RAB22A: variants seen among roughly 807,000 people sequenced by gnomAD.
RAB22A encodes RAB22A, member RAS oncogene family.
RAB22A carries 13 observed loss-of-function variants against 30.2 expected under a neutral mutation model. That is an observed-to-expected ratio of 0.43 (90% confidence interval 0.28 to 0.68). RAB22A has a LOEUF of 0.68. Among genes scored for constraint, RAB22A ranks in the 30% least tolerant of loss-of-function variants. The pLI is 0.18. For synonymous variants in RAB22A, 89 were observed against 87.2 expected (o/e 1.02, Z -0.11); for missense variants, 177 against 246.8 (o/e 0.72, Z 1.89).
chr20:58,344,335 G>A (rs757823549), intron 3 of RAB22A, among the ~76,000 whole-genome samples: 28 of 152,318 alleles, frequency 1.8e-4, no homozygotes, highest in South Asian at 6.2e-4. Context: ...AACCAGAAGC[G>A]GGGCCTGAAC....
At chr20:58,318,053 A>T (rs1485935629) in intron 2 of RAB22A, among the ~76,000 whole-genome samples, 1 of 149,944 alleles carries the variant, frequency 6.7e-6, no homozygotes, top group Non-Finnish European at 1.5e-5. Context: ...TTTCTTGTAG[A>T]GATGAGGTCT....
intron 2 of RAB22A, among the ~76,000 whole-genome samples, chr20:58,326,639 T>C (rs947350387): frequency 6.6e-6 from 1 of 152,114 alleles, no homozygotes; most frequent in African/African-American, 2.4e-5. Flanking sequence ...TCTTTTAAGG[T>C]TTTTTTGTGG....
rs1374934404 is a variant in RAB22A at position 58,333,999 on chromosome 20, T to C, written c.117-9719T>C. On this transcript the variant is annotated intron_variant, in intron 2 of 6. Coordinates refer to ENST00000244040, the MANE Select transcript of RAB22A (RefSeq NM_020673.3). ...CTTGAGCCCAGGAGTTCAAGGCTACTGTGAACCATTATTGTGCCATTACAC... is the reference window on the plus strand; with the variant it reads ...CTTGAGCCCAGGAGTTCAAGGCTACCGTGAACCATTATTGTGCCATTACAC... Among the ~76,000 whole-genome samples, 3 of 152,140 alleles carry C rather than the reference T, an allele frequency of 2.0e-5. No homozygotes were observed. The East Asian group carries it at 5.8e-4, about 29-fold the overall frequency.
rs1987248583 is a variant in RAB22A, at chr20:58,362,816, TC to T, written c.*3116del. The T allele has an allele frequency of 6.6e-6, 1 of 152,236 alleles. No individual in the cohort carries two copies. The highest frequency in any genetic ancestry group is 1.5e-5 in the Non-Finnish European group (1 of 68,032). 9.4% of individuals were successfully genotyped at this position (152,236 alleles called of 1,614,324 possible). On this transcript the variant is annotated 3_prime_UTR_variant, in exon 7 of 7. Transcript: ENST00000244040. Reference sequence around the variant, plus strand: ...TATGATGTTGTTTGAAGTCCCTGTTTCCCATTGTGTACGCACTTTCTGGATG... The same window carrying T: ...TATGATGTTGTTTGAAGTCCCTGTTTCCATTGTGTACGCACTTTCTGGATG...
chr20:58,339,586 T>TA (rs1986820497), intron 2 of RAB22A, among the ~76,000 whole-genome samples: 1 of 152,072 alleles, frequency 6.6e-6, no homozygotes, highest in Non-Finnish European at 1.5e-5. Context: ...AGATTAAATA[T>TA]AAAATGAAGA....
chr20:58,313,045 G>A (rs927400223), intron 2 of RAB22A, among the ~76,000 whole-genome samples: 2 of 152,132 alleles, frequency 1.3e-5, no homozygotes, highest in Non-Finnish European at 2.9e-5. Context: ...CTGAGTCAGA[G>A]CTGAAAACCT....
intron 2 of RAB22A, among the ~76,000 whole-genome samples, chr20:58,312,095 A>T (rs367705068): frequency 9.9e-5 from 15 of 152,028 alleles, no homozygotes; most frequent in African/African-American, 3.4e-4. Context: ...AGCTGGAATT[A>T]TGGGCGCCCA....
chr20:58,359,772 C>T lies in RAB22A; in HGVS notation c.*69C>T. On this transcript the variant is annotated 3_prime_UTR_variant, in exon 7 of 7. Coordinates refer to ENST00000244040, the MANE Select transcript of RAB22A (RefSeq NM_020673.3). The stretch of plus-strand genomic sequence containing the variant: ...TGAAAGTTAACAGGAGGGCTGGGGT[C>T]CCTGCCACCAGTTTTCACCTAGCCA... 1 of 1,410,136 alleles carries T rather than the reference C, an allele frequency of 7.1e-7. No homozygotes were observed. Among genetic ancestry groups the T allele is most frequent in the African/African-American group, 1.4e-5 (1 of 70,292 alleles). 87.4% of individuals were successfully genotyped at this position (1,410,136 alleles called of 1,614,324 possible). A position where few individuals can be genotyped will look rare whatever the true frequency, so the allele number is the denominator to read the frequency against.
intron 3 of RAB22A, among the ~76,000 whole-genome samples, chr20:58,344,174 C>T (rs1986904949): frequency 6.6e-6 from 1 of 152,156 alleles, no homozygotes; most frequent in Non-Finnish European, 1.5e-5. Flanking sequence ...TTTATCGCTG[C>T]CTTTTAAAAG....
Position 58,362,716 on chromosome 20 carries a change from G to T in RAB22A, c.*3013G>T, listed in dbSNP as rs1227836896. On this transcript the variant is annotated 3_prime_UTR_variant, in exon 7 of 7. Coordinates refer to ENST00000244040, the MANE Select transcript of RAB22A (RefSeq NM_020673.3). The stretch of plus-strand genomic sequence containing the variant: ...GTCCATCACCTGCCTGTCAGCCGTG[G>T]TCAGAATAAGTTTTACACGAAGCAG... 6.6e-6 allele frequency: 1 copy of T among 152,218 alleles called. No homozygotes were observed. Among genetic ancestry groups the T allele is most frequent in the Non-Finnish European group, 1.5e-5 (1 of 68,042 alleles). The allele number at this position is 152,218 out of a possible 1,614,324, so 9.4% of individuals were successfully genotyped here. A position where few individuals can be genotyped will look rare whatever the true frequency, so the allele number is the denominator to read the frequency against.
chr20:58,338,903 T>C (rs1986808530), intron 2 of RAB22A, among the ~76,000 whole-genome samples: 1 of 152,188 alleles, frequency 6.6e-6, no homozygotes. Context: ...GAATCCTTTG[T>C]TAATTGTAAA....
chr20:58,353,211 C>T (rs1987080865), intron 3 of RAB22A, 62 bp from the exon 4 acceptor site: 6 of 1,410,686 alleles, frequency 4.3e-6, no homozygotes, highest in Middle Eastern at 4.2e-4. Flanking sequence ...GCTTATAAAT[C>T]TAGTATAAAA....
intron 2 of RAB22A, among the ~76,000 whole-genome samples, chr20:58,332,873 T>TA (rs1259062717): frequency 1.3e-5 from 2 of 152,000 alleles, no homozygotes; most frequent in Non-Finnish European, 2.9e-5. Flanking sequence ...AGAAGAGGGA[T>TA]AAAAAACATG....
chr20:58,322,107 G>A (rs1986472130), intron 2 of RAB22A, among the ~76,000 whole-genome samples: 1 of 152,160 alleles, frequency 6.6e-6, no homozygotes, highest in Non-Finnish European at 1.5e-5. Context: ...GTCATTGTTA[G>A]ATTTTCTTGA....
intron 3 of RAB22A, among the ~76,000 whole-genome samples, chr20:58,350,335 T>C (rs947405184): frequency 1.3e-5 from 2 of 152,146 alleles, no homozygotes; most frequent in African/African-American, 4.8e-5. Flanking sequence ...GTATGTGTAA[T>C]TGGAGAGCCA....
chr20:58,311,467 C>T (rs1986224869), intron 2 of RAB22A, among the ~76,000 whole-genome samples: 4 of 152,202 alleles, frequency 2.6e-5, no homozygotes, highest in Admixed American at 2.6e-4. Flanking sequence ...TCAGGCATAT[C>T]AAGTAAAAGA....
chr20:58,356,441 G>A (rs994525487), intron 6 of RAB22A, among the ~76,000 whole-genome samples: 5 of 152,154 alleles, frequency 3.3e-5, no homozygotes, highest in African/African-American at 1.2e-4. Flanking sequence ...AGAAAAATTG[G>A]GAGAGATGTA....
At chr20:58,327,661 G>A (rs1986591258) in intron 2 of RAB22A, among the ~76,000 whole-genome samples, 1 of 152,204 alleles carries the variant, frequency 6.6e-6, no homozygotes, top group Non-Finnish European at 1.5e-5. Flanking sequence ...ACTCAAGGGA[G>A]TAGGGAATAA....
chr20:58,341,723 G>A (rs1472853580), intron 2 of RAB22A, among the ~76,000 whole-genome samples: 1 of 152,204 alleles, frequency 6.6e-6, no homozygotes, highest in Non-Finnish European at 1.5e-5. Context: ...TCAGTAATAA[G>A]TAATGTTTTA....
Sources: gnomAD v4.1 joint callset for allele counts (sites outside exome capture counted in the v4.1 genomes callset) on GRCh38, gnomAD v4.1.1 for gene constraint, MANE v1.5 for transcripts, NCBI Gene and HGNC (gene_info 2026-07-23, HGNC 2026-07-21) for gene names.